Variants in SPAG16 observed in about 807,000 individuals in gnomAD.
SPAG16 encodes the protein sperm associated antigen 16.
A neutral mutation model predicts 80.4 loss-of-function variants in SPAG16; 86 were observed. That is an observed-to-expected ratio of 1.07 (90% CI 0.90 to 1.28). The LOEUF (loss-of-function observed/expected upper bound fraction) is 1.28, where lower values mean the gene tolerates loss of function less well. Ranked by LOEUF, SPAG16 falls within the 50% of genes most tolerant of loss-of-function variation. The probability of loss-of-function intolerance (pLI) is 0.00; values close to 1 mark genes in which losing one functional copy is unlikely to be tolerated. For missense variants in SPAG16, 870 were observed against 765.3 expected (o/e 1.14, Z -1.61); for synonymous variants, 294 against 265.9 (o/e 1.11, Z -1.03).
At chr2:214,298,605 T>C (rs1164821085) in intron 15 of SPAG16, among the ~76,000 whole-genome samples, 1 of 152,160 alleles carries the variant, frequency 6.6e-6, no homozygotes, top group Non-Finnish European at 1.5e-5. Context: ...GGCTGCATTA[T>C]CCTGGGGAAG....
chr2:213,779,501 T>C (rs1011965187), intron 10 of SPAG16, among the ~76,000 whole-genome samples: 20 of 152,204 alleles, frequency 1.3e-4, no homozygotes, highest in African/African-American at 3.9e-4. Flanking sequence ...TTGTTATTCA[T>C]GGTCAAAGAT....
chr2:214,165,073 T>C (rs2056592387), intron 15 of SPAG16, among the ~76,000 whole-genome samples: 1 of 152,154 alleles, frequency 6.6e-6, no homozygotes, highest in Admixed American at 6.6e-5. Flanking sequence ...ATGTAGACAT[T>C]TTGATGTTGA....
chr2:213,290,512 GAAA>G (rs1393432822), intron 1 of SPAG16, among the ~76,000 whole-genome samples: 1 of 152,112 alleles, frequency 6.6e-6, no homozygotes, highest in South Asian at 2.1e-4. Context: ...AGACAGGGCA[GAAA>G]AAAATTTTGG....
intron 10 of SPAG16, among the ~76,000 whole-genome samples, chr2:213,845,624 T>C (rs2074584294): frequency 6.6e-6 from 1 of 152,214 alleles, no homozygotes; most frequent in African/African-American, 2.4e-5. Context: ...GATACAGTGT[T>C]ATAAAATGCA....
chr2:214,080,655 C>G (rs2051338660), intron 13 of SPAG16, among the ~76,000 whole-genome samples: 2 of 151,152 alleles, frequency 1.3e-5, no homozygotes, highest in Non-Finnish European at 3.0e-5. Flanking sequence ...AAGAAAAATT[C>G]TAACCACATT....
chr2:214,349,134 T>C (rs186459897), intron 15 of SPAG16, among the ~76,000 whole-genome samples: 6 of 152,300 alleles, frequency 3.9e-5, no homozygotes, highest in African/African-American at 1.2e-4. Context: ...GGCACCTACC[T>C]GCAGGGAGCA....
chr2:213,380,612 G>C (rs1304286003), intron 9 of SPAG16, among the ~76,000 whole-genome samples: 1 of 152,142 alleles, frequency 6.6e-6, no homozygotes, highest in African/African-American at 2.4e-5. Flanking sequence ...AGTTCAGGTT[G>C]CATGGTGACT....
intron 15 of SPAG16, among the ~76,000 whole-genome samples, chr2:214,251,759 A>G (rs1043743883): frequency 2.6e-5 from 4 of 152,140 alleles, no homozygotes; most frequent in Admixed American, 6.6e-5. Context: ...ATGTTCCACT[A>G]TATCTGTTTG....
In SPAG16 at chr2:213,894,291, C is replaced by A. The variant is rs574930223; in HGVS notation, c.1214+31663C>A. 1.4e-4 allele frequency among the ~76,000 whole-genome samples: 21 copies of A among 152,200 alleles called. No individual in the cohort carries two copies. The East Asian group carries it at 4.1e-3, about 29-fold the overall frequency. ...AGGAGTGCAAGGATGGTTCAGCATA[C>A]ACAAATCAATAAATATGTACATCAT... On this transcript the variant is annotated intron_variant, in intron 11 of 15. Transcript: ENST00000331683.
intron 15 of SPAG16, among the ~76,000 whole-genome samples, chr2:214,252,562 T>A (rs1009000111): frequency 2.0e-5 from 3 of 152,130 alleles, no homozygotes; most frequent in Non-Finnish European, 4.4e-5. Flanking sequence ...TTTCTGTTCT[T>A]GTGTTCGTTT....
chr2:213,685,429 C>T (rs1255533926), intron 10 of SPAG16, among the ~76,000 whole-genome samples: 1 of 152,240 alleles, frequency 6.6e-6, no homozygotes, highest in East Asian at 1.9e-4. Flanking sequence ...AGGCCTGGAA[C>T]TGATCCTTCC....
intron 13 of SPAG16, among the ~76,000 whole-genome samples, chr2:214,075,967 T>G (rs1325294197): frequency 1.3e-5 from 2 of 152,148 alleles, no homozygotes; most frequent in East Asian, 3.8e-4. Context: ...TTCTGTCATA[T>G]CCCCTTATAT....
chr2:214,082,677 G>A (rs752840921), intron 13 of SPAG16, among the ~76,000 whole-genome samples: 8 of 152,248 alleles, frequency 5.3e-5, no homozygotes, highest in Non-Finnish European at 7.4e-5. Context: ...CTAGTTCTCC[G>A]ATGGCTTTAC....
chr2:213,954,965 AAT>A (rs1381823776), intron 12 of SPAG16, among the ~76,000 whole-genome samples: 1 of 152,100 alleles, frequency 6.6e-6, no homozygotes, highest in African/African-American at 2.4e-5. Flanking sequence ...TCTTTGAATA[AAT>A]GTCTATTCAT....
At chr2:213,963,420 A>ACGATTTG (rs2044555257) in intron 12 of SPAG16, among the ~76,000 whole-genome samples, 3 of 152,014 alleles carry the variant, frequency 2.0e-5, no homozygotes, top group African/African-American at 7.2e-5. Context: ...TCTACGATTT[A>ACGATTTG]ATTTCTTTAA....
chr2:213,954,788 A>T (rs988736968), intron 12 of SPAG16, among the ~76,000 whole-genome samples: 37 of 152,158 alleles, frequency 2.4e-4, no homozygotes, highest in African/African-American at 8.9e-4. Context: ...AGAAATTCCC[A>T]ATTCTCCACA....
At chr2:213,585,240 T>C (rs1029714684) in intron 10 of SPAG16, among the ~76,000 whole-genome samples, 12 of 151,512 alleles carry the variant, frequency 7.9e-5, no homozygotes, top group Non-Finnish European at 1.3e-4. Context: ...TGAAGGATCC[T>C]TAAAATAGAT....
chr2:213,366,759 G>C (rs183186292), intron 8 of SPAG16, among the ~76,000 whole-genome samples: 3 of 152,132 alleles, frequency 2.0e-5, no homozygotes, highest in African/African-American at 7.2e-5. Context: ...GAATGGATAA[G>C]CAAAATGTGG....
At chr2:214,373,756 C>G (rs1376710270) in intron 15 of SPAG16, among the ~76,000 whole-genome samples, 1 of 152,070 alleles carries the variant, frequency 6.6e-6, no homozygotes, top group Non-Finnish European at 1.5e-5. Context: ...TGCTGCATAC[C>G]TTTTTTTATC....
Sources: allele counts gnomAD v4.1 joint callset (sites outside exome capture counted in the v4.1 genomes callset), GRCh38; gene constraint gnomAD v4.1.1; transcripts MANE v1.5; gene names NCBI Gene and HGNC (gene_info 2026-07-23, HGNC 2026-07-21).